The following PDE4B variants were observed in gnomAD, a reference collection of about 807,000 sequenced individuals.
The protein encoded by PDE4B is 3',5'-cyclic-AMP phosphodiesterase 4B.
A neutral mutation model predicts 82.2 loss-of-function variants in PDE4B; 20 were observed. That is an observed-to-expected ratio of 0.24 (90% CI 0.17 to 0.35). The LOEUF (loss-of-function observed/expected upper bound fraction) is 0.35. PDE4B is among the 10% of genes least tolerant of loss of function. PDE4B has a pLI of 1.00. For missense variants in PDE4B, 655 were observed against 907.2 expected, an observed-to-expected ratio of 0.72 and a Z score of 3.57; for synonymous variants, 320 against 318.9, an observed-to-expected ratio of 1.00 and a Z score of -0.04.
At position 65,899,204 on chromosome 1, in the gene PDE4B, A is replaced by G. The variant is rs765477317; in HGVS notation, c.-70-14041A>G. On this transcript the variant is annotated intron_variant, in intron 1 of 16. Coordinates refer to ENST00000341517, the MANE Select transcript of PDE4B (RefSeq NM_002600.4). ...AAGAATATGTACAATTGGCCAACAA[A>G]CATGTGAAAAAATGCTCAACATCAC... is the stretch of plus-strand genomic sequence containing the variant. Among the ~76,000 whole-genome samples the G allele has an allele frequency of 6.4e-4, 98 of 152,282 alleles. 1 individual carries two copies. The highest frequency in any genetic ancestry group is 1.1e-3 in the Non-Finnish European group (76 of 68,004).
At chr1:66,073,525 A>G (rs547859836) in intron 3 of PDE4B, among the ~76,000 whole-genome samples, 2 of 152,128 alleles carry the variant, frequency 1.3e-5, no homozygotes, top group African/African-American at 4.8e-5. Flanking sequence ...CACCCAGCTC[A>G]TATCACCCTC....
chr1:66,276,942 C>T (rs537876177), intron 7 of PDE4B, among the ~76,000 whole-genome samples: 19 of 152,202 alleles, frequency 1.2e-4, no homozygotes, highest in Non-Finnish European at 8.8e-5. Context: ...ATTTAGAACA[C>T]GCCTGGCACC....
chr1:66,270,191 A>G (rs1399246146), intron 7 of PDE4B, among the ~76,000 whole-genome samples: 2 of 152,230 alleles, frequency 1.3e-5, no homozygotes, highest in African/African-American at 2.4e-5. Context: ...ACACCAGTCA[A>G]TTAGAATGCA....
At chr1:66,001,569 T>A (rs181186660) in intron 3 of PDE4B, among the ~76,000 whole-genome samples, 1 of 152,282 alleles carries the variant, frequency 6.6e-6, no homozygotes. Flanking sequence ...GGATCAAAAT[T>A]TGGATTTCCA....
Position 65,840,792 on chromosome 1 carries a change from T to C in PDE4B, c.-71+47544T>C, listed in dbSNP as rs1646198245. On this transcript the variant is annotated intron_variant, in intron 1 of 16. Transcript: ENST00000341517. ...TTTTCACCTCTGTACTTTTGGTACC[T>C]AGCATAGAGCTGAACTCGTAAAAGG... Among the ~76,000 whole-genome samples the C allele has an allele frequency of 4.6e-5, 7 of 152,204 alleles. No homozygotes were observed. The South Asian group carries it at 1.4e-3, about 31-fold the overall frequency.
At chr1:66,153,567 T>C (rs1457680300) in intron 3 of PDE4B, among the ~76,000 whole-genome samples, 1 of 152,180 alleles carries the variant, frequency 6.6e-6, no homozygotes, top group East Asian at 1.9e-4. Flanking sequence ...TGGCAATCTT[T>C]ATTCTTTTTC....
chr1:66,097,236 A>T (rs1360448666), intron 3 of PDE4B, among the ~76,000 whole-genome samples: 3 of 152,092 alleles, frequency 2.0e-5, no homozygotes, highest in Non-Finnish European at 4.4e-5. Flanking sequence ...TGGGAGTTTA[A>T]GTTGTTCCAC....
chr1:66,062,936 A>G (rs1655659345), intron 3 of PDE4B: 1 of 152,098 alleles, frequency 6.6e-6, no homozygotes, highest in Non-Finnish European at 1.5e-5. Context: ...CTCATGTTCC[A>G]GAAGAGTCCT....
intron 3 of PDE4B, among the ~76,000 whole-genome samples, chr1:66,061,413 A>T (rs1319032760): frequency 2.0e-5 from 3 of 151,898 alleles, no homozygotes; most frequent in Non-Finnish European, 4.4e-5. Flanking sequence ...CTTTCCACTA[A>T]GAGTAAAGAC....
intron 3 of PDE4B, among the ~76,000 whole-genome samples, chr1:65,925,333 T>TA (rs369499415): frequency 1.1e-4 from 17 of 151,976 alleles, no homozygotes; most frequent in African/African-American, 2.9e-4. Context: ...AACTGAAAAT[T>TA]AAAAAAAATT....
At chr1:66,051,219 T>TA (rs544686839) in intron 3 of PDE4B, among the ~76,000 whole-genome samples, 1 of 151,622 alleles carries the variant, frequency 6.6e-6, no homozygotes, top group East Asian at 1.9e-4. Flanking sequence ...ATAATAAAAT[T>TA]AAAAAAAATT....
intron 1 of PDE4B, among the ~76,000 whole-genome samples, chr1:65,894,006 AG>A (rs1035249904): frequency 6.6e-6 from 1 of 152,040 alleles, no homozygotes. Flanking sequence ...GAAGTTTGGG[AG>A]GGGGGTACCA....
chr1:65,971,373 A>G (rs1256859727), intron 3 of PDE4B, among the ~76,000 whole-genome samples: 4 of 152,168 alleles, frequency 2.6e-5, no homozygotes, highest in African/African-American at 9.7e-5. Flanking sequence ...TGCATTTTCT[A>G]GAAAGCAGAA....
intron 7 of PDE4B, among the ~76,000 whole-genome samples, chr1:66,314,377 C>T (rs1030585766): frequency 3.9e-5 from 6 of 152,192 alleles, no homozygotes; most frequent in South Asian, 2.1e-4. Flanking sequence ...GGTCTCATTT[C>T]GTAATCTGGC....
chr1:66,300,561 A>G (rs1402827434), intron 7 of PDE4B, among the ~76,000 whole-genome samples: 2 of 152,198 alleles, frequency 1.3e-5, no homozygotes, highest in African/African-American at 4.8e-5. Context: ...ACCAGAATCC[A>G]CATCTCCAAC....
In PDE4B at chr1:65,818,029, G is replaced by T. The variant is rs1394462256; in HGVS notation, c.-71+24781G>T. Among the ~76,000 whole-genome samples, 3 of 152,040 alleles carry T rather than the reference G, an allele frequency of 2.0e-5. No homozygotes were observed. The South Asian group carries it at 6.2e-4, about 32-fold the overall frequency. On this transcript the variant is annotated intron_variant, in intron 1 of 16. Transcript: ENST00000341517. The stretch of plus-strand genomic sequence containing the variant: ...AAAAAAAAGCTAAATTCATTGCTCA[G>T]CTGTCACTGTTATTGATTTTGCCCT...
intron 4 of PDE4B, among the ~76,000 whole-genome samples, chr1:66,251,151 C>A (rs1156402713): frequency 6.6e-6 from 1 of 152,208 alleles, no homozygotes; most frequent in East Asian, 1.9e-4. Flanking sequence ...TCTAAATTAT[C>A]TGTAAGTAAA....
At chr1:66,354,974 CAT>C in intron 8 of PDE4B, 1 of 1,258,096 alleles carries the variant, frequency 7.9e-7, no homozygotes. Context: ...AAGTACAGGA[CAT>C]CTGTAATAAT....
chr1:66,257,997 A>G, intron 6 of PDE4B, 134 bp downstream of exon 6: 3 of 637,394 alleles, frequency 4.7e-6, no homozygotes, highest in East Asian at 2.7e-5. Context: ...ATAAAATTTG[A>G]AAACAGGATG....
Sources: allele counts gnomAD v4.1 joint callset (sites outside exome capture counted in the v4.1 genomes callset), GRCh38; gene constraint gnomAD v4.1.1; transcripts MANE v1.5; gene names NCBI Gene and HGNC (gene_info 2026-07-23, HGNC 2026-07-21).